Variants in COL24A1 observed in about 807,000 individuals in gnomAD.
The protein encoded by COL24A1 is collagen type XXIV alpha 1 chain.
COL24A1 carries 224 observed loss-of-function variants against 253.9 expected under a neutral mutation model. The observed-to-expected ratio is 0.88, with a 90% CI of 0.79 to 0.99. The LOEUF is 0.99. COL24A1 is among the 50% of genes least tolerant of loss of function. The pLI is 0.00. For missense variants in COL24A1, 2,131 were observed against 2,068.5 expected (o/e 1.03, Z -0.59); for synonymous variants, 685 against 673.7 (o/e 1.02, Z -0.26).
chr1:86,156,275 C>A (rs1302421771), intron 1 of COL24A1, 66 bp downstream of exon 1: 2 of 1,491,522 alleles, frequency 1.3e-6, no homozygotes, highest in Non-Finnish European at 1.8e-6. Flanking sequence ...TCAGGCTCAG[C>A]AGAACCAGGG....
rs141767705 is a variant in COL24A1 at position 85,775,716 on chromosome 1, GA to G, written c.4339-8del. 1,883 of 1,431,630 alleles carry G rather than the reference GA, an allele frequency of 1.3e-3. 1 individual carries two copies. The highest frequency in any genetic ancestry group is 3.3e-3 in the Admixed American group (158 of 47,842). 88.7% of individuals were successfully genotyped at this position (1,431,630 alleles called of 1,614,324 possible). A position where few individuals can be genotyped will look rare whatever the true frequency, so the allele number is the denominator to read the frequency against. ...CCTTTTCACCTCTGGGTCCCTAAAA[GA>G]AAAAAAAAAGATGTTAGTTCATTGT... On this transcript the variant is annotated splice_region_variant and splice_polypyrimidine_tract_variant and intron_variant, in intron 52 of 59. Transcript: ENST00000370571.
At chr1:86,130,068 C>T (rs1179463654) in intron 2 of COL24A1, among the ~76,000 whole-genome samples, 9 of 151,792 alleles carry the variant, frequency 5.9e-5, no homozygotes, top group Non-Finnish European at 1.3e-4. Flanking sequence ...ATGCAGTTCA[C>T]ATATTTATTG....
At chr1:85,988,471 G>C (rs952159290) in intron 19 of COL24A1, among the ~76,000 whole-genome samples, 4 of 151,930 alleles carry the variant, frequency 2.6e-5, no homozygotes, top group African/African-American at 9.7e-5. Context: ...TAAAACTCTT[G>C]CTGAAATAAT....
At chr1:86,071,846 C>T (rs946541026) in intron 7 of COL24A1, among the ~76,000 whole-genome samples, 3 of 152,132 alleles carry the variant, frequency 2.0e-5, no homozygotes, top group South Asian at 2.1e-4. Context: ...TCAGTGGGTG[C>T]AGCCCATGGA....
chr1:85,923,888 T>A (rs912934315), intron 24 of COL24A1, among the ~76,000 whole-genome samples: 31 of 152,268 alleles, frequency 2.0e-4, no homozygotes, highest in African/African-American at 7.5e-4. Context: ...TGAGCTGGTT[T>A]TTTGAAATGA....
chr1:85,803,959 G>T (rs2101813957), intron 47 of COL24A1, among the ~76,000 whole-genome samples: 1 of 152,042 alleles, frequency 6.6e-6, no homozygotes, highest in Middle Eastern at 3.4e-3. Flanking sequence ...TATATCTGTG[G>T]GCATATAAGA....
intron 3 of COL24A1, among the ~76,000 whole-genome samples, chr1:86,123,594 T>C (rs575432275): frequency 3.8e-4 from 58 of 152,096 alleles, no homozygotes; most frequent in Admixed American, 1.2e-3. Context: ...ATGACTATTT[T>C]TGAATTTACA....
At chr1:85,755,384 T>C (rs1666124758) in intron 55 of COL24A1, among the ~76,000 whole-genome samples, 1 of 152,132 alleles carries the variant, frequency 6.6e-6, no homozygotes, top group South Asian at 2.1e-4. Context: ...GAAGTTACAA[T>C]ATAGTAAATA....
intron 59 of COL24A1, among the ~76,000 whole-genome samples, chr1:85,734,249 C>T (rs571745722): frequency 5.9e-4 from 90 of 152,290 alleles, no homozygotes; most frequent in Middle Eastern, 6.8e-3. Context: ...AATTCAAATA[C>T]TTACTGGTGG....
intron 7 of COL24A1, among the ~76,000 whole-genome samples, chr1:86,068,954 C>T (rs1175174209): frequency 3.3e-5 from 5 of 151,720 alleles, no homozygotes. Context: ...GCCCTTGGGC[C>T]CTGAATAACC....
At chr1:85,997,055 G>GTGTGTGTGTGTGTA in intron 19 of COL24A1, among the ~76,000 whole-genome samples, 1 of 95,120 alleles carries the variant, frequency 1.1e-5, no homozygotes, top group Admixed American at 1.1e-4. Context: ...GTGTGTGTGT[G>GTGTGTGTGTGTGTA]TATATATATA....
At chr1:85,956,794 G>A (rs927507187) in intron 24 of COL24A1, among the ~76,000 whole-genome samples, 3 of 152,096 alleles carry the variant, frequency 2.0e-5, no homozygotes, top group African/African-American at 7.2e-5. Flanking sequence ...CAGGTAAAAG[G>A]CTTGCTTGAT....
intron 47 of COL24A1, among the ~76,000 whole-genome samples, chr1:85,813,772 C>T (rs908796533): frequency 1.3e-5 from 2 of 151,688 alleles, no homozygotes; most frequent in African/African-American, 4.8e-5. Context: ...GGGATGGTCT[C>T]GATCTCCTGA....
chr1:85,915,624 C>G (rs916563764), intron 24 of COL24A1, among the ~76,000 whole-genome samples: 1 of 152,100 alleles, frequency 6.6e-6, no homozygotes, highest in Non-Finnish European at 1.5e-5. Context: ...AGAAACTGAA[C>G]ACAGACTAGT....
chr1:86,108,620 T>TAAAGAAAAAAAAAAAAAAAAAA (rs1491169938), intron 5 of COL24A1, among the ~76,000 whole-genome samples: 4 of 83,098 alleles, frequency 4.8e-5, no homozygotes, highest in African/African-American at 2.1e-4. Context: ...CCATCTCTAC[T>TAAAGAAAAAAAAAAAAAAAAAA]AAAAAAAAAA....
At chr1:86,043,478 C>T (rs1231447909) in intron 12 of COL24A1, among the ~76,000 whole-genome samples, 1 of 152,074 alleles carries the variant, frequency 6.6e-6, no homozygotes, top group African/African-American at 2.4e-5. Context: ...ATTGCATCTA[C>T]ACAGCAGCAC....
At chr1:85,841,299 A>C in intron 41 of COL24A1, 21 bp from the exon 42 acceptor site, 1 of 1,552,876 alleles carries the variant, frequency 6.4e-7, no homozygotes, top group Non-Finnish European at 8.8e-7. Flanking sequence ...ATAATGATTT[A>C]TAAACAAAAC....
At chr1:86,067,030 T>C (rs1701544404) in intron 7 of COL24A1, among the ~76,000 whole-genome samples, 1 of 151,834 alleles carries the variant, frequency 6.6e-6, no homozygotes, top group Non-Finnish European at 1.5e-5. Context: ...TCCCAGCTAC[T>C]TGGGAGGCTG....
intron 2 of COL24A1, among the ~76,000 whole-genome samples, chr1:86,141,881 T>C (rs772739200): frequency 4.6e-5 from 7 of 151,962 alleles, no homozygotes; most frequent in Non-Finnish European, 7.4e-5. Context: ...TTTTGTATTT[T>C]CCAGTAGAGA....
Sources: allele counts gnomAD v4.1 joint callset (sites outside exome capture counted in the v4.1 genomes callset), GRCh38; gene constraint gnomAD v4.1.1; transcripts MANE v1.5; gene names NCBI Gene and HGNC (gene_info 2026-07-23, HGNC 2026-07-21).